Variants in EHMT1 observed in about 807,000 individuals in gnomAD.
EHMT1 encodes euchromatic histone lysine methyltransferase 1, also known as histone-lysine N-methyltransferase EHMT1.
In EHMT1, 15 loss-of-function variants were observed where a neutral mutation model predicts 147.2. The ratio of observed to expected loss-of-function variants is 0.10; its 90% confidence interval spans 0.07 to 0.16. The LOEUF is 0.16. EHMT1 is among the 10% of genes least tolerant of loss of function. EHMT1 has a pLI of 1.00. For synonymous variants in EHMT1, 795 were observed against 709.6 expected, an observed-to-expected ratio of 1.12 and a Z score of -1.91; for missense variants, 1,587 against 1,772.4, an observed-to-expected ratio of 0.90 and a Z score of 1.88.
chr9:137,728,721 T>C, intron 4 of EHMT1, 192 bp downstream of exon 4: 1 of 680,744 alleles, frequency 1.5e-6, no homozygotes, highest in South Asian at 1.7e-5. Context: ...AAGCCTTGTC[T>C]CATGCCAGCA....
chr9:137,834,504 C>A lies in EHMT1; in HGVS notation c.3696C>A (p.Ile1232=). 6.2e-7 allele frequency: 1 copy of A among 1,611,476 alleles called. No homozygotes were observed. Residue 1232 remains isoleucine (I), a synonymous_variant, in exon 26 of 27, where the codon ATC becomes ATA. Transcript: ENST00000460843. ...TCGCCTTCTTCAGCACCCGCCTGATCGAGGCCGGCGAGCAGCTCGGGTACG... is the reference window on the plus strand; with the variant it reads ...TCGCCTTCTTCAGCACCCGCCTGATAGAGGCCGGCGAGCAGCTCGGGTACG... ...PRIAFFSTRL[I]EAGEQLGFDY...
chr9:137,653,608 A>C (rs1938103538), intron 1 of EHMT1, among the ~76,000 whole-genome samples: 1 of 151,872 alleles, frequency 6.6e-6, no homozygotes, highest in Non-Finnish European at 1.5e-5. Context: ...AGCTCACTGC[A>C]ACCTCTGCCT....
chr9:137,826,995 C>T (rs991246563), intron 25 of EHMT1, among the ~76,000 whole-genome samples: 7 of 152,354 alleles, frequency 4.6e-5, no homozygotes, highest in East Asian at 3.9e-4. Flanking sequence ...TTCCTTGACT[C>T]GCTTGTCATG....
chr9:137,834,326 C>G (rs529969669), intron 25 of EHMT1, 23 bp from the exon 26 acceptor site: 14 of 1,603,746 alleles, frequency 8.7e-6, no homozygotes, highest in South Asian at 2.2e-5. Flanking sequence ...AACTGCAGCC[C>G]GTGCCGGCTT....
intron 10 of EHMT1, among the ~76,000 whole-genome samples, chr9:137,770,163 TTTTC>T (rs1448213970): frequency 1.3e-5 from 2 of 152,206 alleles, no homozygotes; most frequent in African/African-American, 4.8e-5. Flanking sequence ...TCTTGTGTTT[TTTTC>T]TTTCTTTCTG....
At chr9:137,747,882 G>A (rs891477677) in intron 6 of EHMT1, 2 of 152,184 alleles carry the variant, frequency 1.3e-5, no homozygotes, top group Non-Finnish European at 2.9e-5. Context: ...TGCTAACTCT[G>A]TAGGATGGTC....
chr9:137,625,275 G>T (rs977613149), intron 1 of EHMT1, among the ~76,000 whole-genome samples: 2 of 152,168 alleles, frequency 1.3e-5, no homozygotes, highest in African/African-American at 4.8e-5. Context: ...TTTATCATGC[G>T]TTTAGTGCTA....
At chr9:137,832,181 G>A (rs1239555220) in intron 25 of EHMT1, among the ~76,000 whole-genome samples, 2 of 150,534 alleles carry the variant, frequency 1.3e-5, no homozygotes. Context: ...CCTAGGATTG[G>A]CCAGGCTCCC....
chr9:137,673,151 C>A (rs974520890), intron 1 of EHMT1, among the ~76,000 whole-genome samples: 3 of 152,138 alleles, frequency 2.0e-5, no homozygotes, highest in African/African-American at 7.2e-5. Flanking sequence ...TCAGGGTTGT[C>A]TCATCTTAGA....
chr9:137,765,680 G>C (rs868054144), intron 10 of EHMT1, among the ~76,000 whole-genome samples: 65 of 131,794 alleles, frequency 4.9e-4, no homozygotes, highest in African/African-American at 7.1e-4. Context: ...CGCCCCCGCC[G>C]CCCCAGCCTG....
intron 9 of EHMT1, 47 bp downstream of exon 9, chr9:137,758,058 G>C (rs1564704574): frequency 6.2e-7 from 1 of 1,613,306 alleles, no homozygotes; most frequent in South Asian, 1.1e-5. Context: ...TTGGTCCTTT[G>C]TCTTCTGGGC....
chr9:137,760,961 C>G lies in EHMT1; in HGVS notation c.1502-1714C>G, dbSNP rs373103745. On this transcript the variant is annotated intron_variant, in intron 9 of 26. Coordinates refer to ENST00000460843, the MANE Select transcript of EHMT1 (RefSeq NM_024757.5). ...GGCAGAGCTTGCAGTGAGCTGAGAT[C>G]GCACCACTGCACTCCAGCCTGGGCG... 6.6e-5 allele frequency among the ~76,000 whole-genome samples: 10 copies of G among 152,284 alleles called. No individual in the cohort carries two copies. In the East Asian group the frequency reaches 1.9e-3, roughly 29 times the overall value.
chr9:137,723,678 C>T (rs1026847338), intron 3 of EHMT1, among the ~76,000 whole-genome samples: 2 of 152,252 alleles, frequency 1.3e-5, no homozygotes, highest in African/African-American at 4.8e-5. Flanking sequence ...TCAGGATTTC[C>T]TGCCACCCCA....
intron 15 of EHMT1, chr9:137,784,235 A>T: frequency 1.3e-6 from 2 of 1,539,290 alleles, no homozygotes; most frequent in African/African-American, 1.4e-5. Context: ...CTTGCTGTGG[A>T]CCAGGCCGCC....
chr9:137,734,698 G>A (rs1947384917), intron 4 of EHMT1, among the ~76,000 whole-genome samples: 1 of 152,182 alleles, frequency 6.6e-6, no homozygotes, highest in Non-Finnish European at 1.5e-5. Context: ...AATCTTGAAA[G>A]CAGATGAGAA....
At chr9:137,632,643 A>G (rs572999219) in intron 1 of EHMT1, among the ~76,000 whole-genome samples, 3 of 152,284 alleles carry the variant, frequency 2.0e-5, no homozygotes, top group South Asian at 4.1e-4. Context: ...GACTCAAGCC[A>G]TCTGCCTGCC....
Position 137,775,439 on chromosome 9 carries a change from A to G in EHMT1, c.1791+187A>G, listed in dbSNP as rs1950886140. Among the ~76,000 whole-genome samples, 1 of 150,494 alleles carries G rather than the reference A, an allele frequency of 6.6e-6. No homozygotes were observed. Among genetic ancestry groups the G allele is most frequent in the Non-Finnish European group, 1.5e-5 (1 of 67,640 alleles). ...CCCCTGTCGAGCCCCAGTGCCTTAG[A>G]CACCTTCACCCCCAACCCCCATTTC... On this transcript the variant is annotated intron_variant, in intron 11 of 26. Transcript: ENST00000460843. The surrounding 1 kb of genome is among the most constrained non-coding windows in gnomAD (Gnocchi z 6.1).
At position 137,786,101 on chromosome 9, in the gene EHMT1, G is replaced by C. The variant is rs779181668; in HGVS notation, c.2382+3704G>C. The C allele has an allele frequency of 6.6e-6, 1 of 152,394 alleles. No homozygotes were observed. Among genetic ancestry groups the C allele is most frequent in the Non-Finnish European group, 1.5e-5 (1 of 68,170 alleles). 9.4% of individuals were successfully genotyped at this position (152,394 alleles called of 1,614,324 possible). A position where few individuals can be genotyped will look rare whatever the true frequency, so the allele number is the denominator to read the frequency against. On this transcript the variant is annotated intron_variant, in intron 15 of 26. Transcript: ENST00000460843. The surrounding 1 kb of genome is among the most constrained non-coding windows in gnomAD (Gnocchi z 4.3). ...CGTCGTCTTTGGGGAGGCCGAGTGAGGGGAGTACAGAGCTCTTCGTTCTGT... is the reference window on the plus strand; with the variant it reads ...CGTCGTCTTTGGGGAGGCCGAGTGACGGGAGTACAGAGCTCTTCGTTCTGT...
At position 137,780,384 on chromosome 9, in the gene EHMT1, C is replaced by T. The variant is rs112999135; in HGVS notation, c.2275+667C>T. Among the ~76,000 whole-genome samples the T allele has an allele frequency of 8.0e-3, 917 of 114,612 alleles. 40 individuals carry two copies. Among genetic ancestry groups the T allele is most frequent in the African/African-American group, 0.037 (860 of 23,140 alleles). 75.2% of individuals were successfully genotyped at this position (114,612 alleles called of 152,430 possible). ...GTGATGACGCTGAGACGTGTGATGA[C>T]GCTGGGATGTGTGGTGATGACGCTG... is the stretch of plus-strand genomic sequence containing the variant. On this transcript the variant is annotated intron_variant, in intron 14 of 26. Transcript: ENST00000460843.
Sources: allele counts gnomAD v4.1 joint callset (sites outside exome capture counted in the v4.1 genomes callset), GRCh38; gene constraint gnomAD v4.1.1; non-coding constraint Gnocchi (gnomAD v3.1); transcripts MANE v1.5; gene names NCBI Gene and HGNC (gene_info 2026-07-23, HGNC 2026-07-21).